Variants in CDK6 observed in about 807,000 individuals in gnomAD.
CDK6 encodes the protein cyclin dependent kinase 6, also known as cyclin-dependent kinase 6.
Under a neutral mutation model 37.1 loss-of-function variants are expected in CDK6, and 6 were observed. That is an observed-to-expected ratio of 0.16 (90% CI 0.09 to 0.32). The LOEUF is 0.32. Among genes scored for constraint, CDK6 ranks in the 10% least tolerant of loss-of-function variants. The pLI is 1.00. For synonymous variants in CDK6, 160 were observed against 161.3 expected (o/e 0.99, Z 0.06); for missense variants, 224 against 418.9 (o/e 0.53, Z 4.06).
chr7:92,710,802 A>C (rs1165809002), intron 4 of CDK6: 2 of 985,328 alleles, frequency 2.0e-6, no homozygotes, highest in Non-Finnish European at 2.4e-6. Context: ...ATGAGGGCTG[A>C]TACTCAGAGG....
chr7:92,697,053 C>T (rs1377195607), intron 4 of CDK6, among the ~76,000 whole-genome samples: 1 of 152,164 alleles, frequency 6.6e-6, no homozygotes, highest in Non-Finnish European at 1.5e-5. Context: ...TATACTATAG[C>T]TGGAAGTCAT....
intron 3 of CDK6, among the ~76,000 whole-genome samples, chr7:92,754,078 C>G (rs1329560718): frequency 1.3e-5 from 2 of 152,150 alleles, no homozygotes; most frequent in Non-Finnish European, 2.9e-5. Flanking sequence ...CTTGGTGATC[C>G]TGTCACTTCT....
At chr7:92,749,818 G>A (rs949577583) in intron 3 of CDK6, among the ~76,000 whole-genome samples, 1 of 152,176 alleles carries the variant, frequency 6.6e-6, no homozygotes, top group African/African-American at 2.4e-5. Context: ...TGACAAATAC[G>A]CAAGTGATTA....
chr7:92,718,538 T>C (rs1435739979), intron 4 of CDK6, among the ~76,000 whole-genome samples: 2 of 152,196 alleles, frequency 1.3e-5, no homozygotes, highest in Non-Finnish European at 2.9e-5. Context: ...CTGGTCCTGC[T>C]TCACTTTGTC....
Position 92,606,650 on chromosome 7 carries a change from A to G in CDK6, c.*8490T>C, listed in dbSNP as rs1287119321. 5 of 213,474 alleles carry G rather than the reference A, an allele frequency of 2.3e-5. No individual in the cohort carries two copies. In the East Asian group the frequency reaches 3.3e-4, roughly 14 times the overall value. 13.2% of individuals were successfully genotyped at this position (213,474 alleles called of 1,614,324 possible). ...TTTCCAAATTAGATTTTTTTTTTTT[A>G]CTTTCAAAACATTTTCTATTATAAG... On this transcript the variant is annotated 3_prime_UTR_variant, in exon 8 of 8. Transcript: ENST00000424848.
At chr7:92,733,342 C>G (rs2115592653) in intron 3 of CDK6, among the ~76,000 whole-genome samples, 1 of 152,332 alleles carries the variant, frequency 6.6e-6, no homozygotes, top group South Asian at 2.1e-4. Flanking sequence ...TTACCCCACA[C>G]TCAACGTCTT....
intron 4 of CDK6, chr7:92,710,738 T>C (rs1798069225): frequency 2.0e-6 from 2 of 985,296 alleles, no homozygotes; most frequent in Admixed American, 6.1e-5. Flanking sequence ...CTTTTTGTTA[T>C]GATCTGTTTC....
At chr7:92,646,181 C>T (rs915966282) in intron 5 of CDK6, among the ~76,000 whole-genome samples, 1 of 152,172 alleles carries the variant, frequency 6.6e-6, no homozygotes. Context: ...CTTTTCTAAG[C>T]TCTTAACAGT....
intron 2 of CDK6, among the ~76,000 whole-genome samples, chr7:92,808,002 G>C (rs1208448870): frequency 6.6e-6 from 1 of 152,096 alleles, no homozygotes; most frequent in Non-Finnish European, 1.5e-5. Context: ...AGAAGAGATG[G>C]CAACTTTCTA....
chr7:92,704,676 A>C (rs1036506548), intron 4 of CDK6, among the ~76,000 whole-genome samples: 3 of 152,122 alleles, frequency 2.0e-5, no homozygotes, highest in African/African-American at 7.2e-5. Context: ...TTCATTTTTA[A>C]ATTTTCACTG....
At chr7:92,722,630 C>T (rs958131298) in intron 4 of CDK6, among the ~76,000 whole-genome samples, 6 of 152,196 alleles carry the variant, frequency 3.9e-5, no homozygotes, top group Admixed American at 6.5e-5. Context: ...TTAATATTAC[C>T]AGGTAGCTAT....
At chr7:92,687,716 CTT>C (rs932707666) in intron 4 of CDK6, among the ~76,000 whole-genome samples, 5 of 152,128 alleles carry the variant, frequency 3.3e-5, no homozygotes, top group African/African-American at 7.2e-5. Flanking sequence ...TTCGATGTAT[CTT>C]TACACATGTA....
chr7:92,663,522 G>A (rs1384744154), intron 5 of CDK6, among the ~76,000 whole-genome samples: 4 of 151,770 alleles, frequency 2.6e-5, no homozygotes, highest in South Asian at 2.1e-4. Flanking sequence ...CAACAACAGC[G>A]AAACCCCGTA....
intron 3 of CDK6, among the ~76,000 whole-genome samples, chr7:92,737,706 T>A (rs1798820502): frequency 6.6e-6 from 1 of 152,210 alleles, no homozygotes; most frequent in Admixed American, 6.5e-5. Flanking sequence ...AGAACTAGAA[T>A]TTGTGACATT....
intron 5 of CDK6, among the ~76,000 whole-genome samples, chr7:92,631,123 C>T: frequency 6.6e-6 from 1 of 152,126 alleles, no homozygotes; most frequent in East Asian, 1.9e-4. Context: ...CCAGGGAATT[C>T]GTTCATGAGT....
At chr7:92,794,884 T>C (rs1412521566) in intron 2 of CDK6, among the ~76,000 whole-genome samples, 3 of 144,110 alleles carry the variant, frequency 2.1e-5, no homozygotes, top group Non-Finnish European at 4.5e-5. Flanking sequence ...CAAAAAGAGG[T>C]GTGATAATAA....
chr7:92,731,626 G>A (rs866554427), intron 3 of CDK6, among the ~76,000 whole-genome samples: 3 of 152,260 alleles, frequency 2.0e-5, no homozygotes, highest in Middle Eastern at 3.4e-3. Context: ...TAATAAAGTG[G>A]CATTGCATGT....
intron 2 of CDK6, among the ~76,000 whole-genome samples, chr7:92,775,316 A>C (rs1043356460): frequency 6.6e-6 from 1 of 152,250 alleles, no homozygotes; most frequent in African/African-American, 2.4e-5. Context: ...ATATGATGGA[A>C]TATGGAGAAA....
rs146108105 is a variant in CDK6, at chr7:92,756,716, G to T, written c.369+17980C>A. On this transcript the variant is annotated intron_variant, in intron 3 of 7. Transcript: ENST00000424848. ...TGCAACATTAGAGTGGTGGGCTCAG[G>T]ATTGTCATTCTTTGGCCATCCTGTT... 1.5e-3 allele frequency among the ~76,000 whole-genome samples: 230 copies of T among 152,278 alleles called. 1 individual carries two copies. Among genetic ancestry groups the T allele is most frequent in the African/African-American group, 4.8e-3 (200 of 41,544 alleles).
Sources: allele counts gnomAD v4.1 joint callset (sites outside exome capture counted in the v4.1 genomes callset), GRCh38; gene constraint gnomAD v4.1.1; transcripts MANE v1.5; gene names NCBI Gene and HGNC (gene_info 2026-07-23, HGNC 2026-07-21).